Variants in WWOX observed in about 807,000 individuals in gnomAD.
WWOX encodes the protein WW domain-containing oxidoreductase.
In WWOX, 69 loss-of-function variants were observed where a neutral mutation model predicts 46.2. That is an observed-to-expected ratio of 1.49 (90% CI 1.23 to 1.82). The LOEUF is 1.82. Ranked by LOEUF, WWOX falls within the 40% of genes most tolerant of loss-of-function variation. WWOX has a pLI of 0.00. For missense variants in WWOX, 919 were observed against 542.6 expected, an observed-to-expected ratio of 1.69 and a Z score of -6.89; for synonymous variants, 359 against 202.6, an observed-to-expected ratio of 1.77 and a Z score of -6.56.
At chr16:78,858,166 G>GTGTT (rs2052612481) in intron 8 of WWOX, among the ~76,000 whole-genome samples, 1 of 151,360 alleles carries the variant, frequency 6.6e-6, no homozygotes, top group Non-Finnish European at 1.5e-5. Flanking sequence ...GTGTGTGTGT[G>GTGTT]TGTGTATAAA....
chr16:78,995,636 A>G (rs1294065385), intron 8 of WWOX, among the ~76,000 whole-genome samples: 1 of 152,184 alleles, frequency 6.6e-6, no homozygotes, highest in Non-Finnish European at 1.5e-5. Context: ...GCTTGTTCTT[A>G]TGTGGTTGAT....
At chr16:78,935,480 T>G (rs572558385) in intron 8 of WWOX, among the ~76,000 whole-genome samples, 48 of 151,854 alleles carry the variant, frequency 3.2e-4, no homozygotes, top group African/African-American at 1.0e-3. Flanking sequence ...CTGGAAACCA[T>G]CATTCTCAGC....
intron 5 of WWOX, among the ~76,000 whole-genome samples, chr16:78,256,932 C>T (rs892807027): frequency 2.6e-5 from 4 of 152,186 alleles, no homozygotes; most frequent in African/African-American, 9.6e-5. Context: ...TAATCTCCTG[C>T]ACTGTGAGTC....
intron 6 of WWOX, among the ~76,000 whole-genome samples, chr16:78,399,521 C>T (rs948791528): frequency 2.6e-5 from 4 of 152,138 alleles, no homozygotes; most frequent in African/African-American, 9.7e-5. Context: ...TTGGGTTGAA[C>T]AGGGAGCGAC....
At chr16:79,000,537 G>C (rs544790019) in intron 8 of WWOX, among the ~76,000 whole-genome samples, 19 of 152,264 alleles carry the variant, frequency 1.2e-4, no homozygotes, top group African/African-American at 4.3e-4. Context: ...GATGTTACCA[G>C]CTTTAAAGAG....
chr16:78,176,849 G>T (rs550653392), intron 5 of WWOX, among the ~76,000 whole-genome samples: 110 of 152,254 alleles, frequency 7.2e-4, no homozygotes, highest in Middle Eastern at 3.4e-3. Context: ...TATTTTTAAG[G>T]CAGGGAAGGA....
chr16:78,677,130 A>C (rs1328811072), intron 8 of WWOX, among the ~76,000 whole-genome samples: 1 of 152,012 alleles, frequency 6.6e-6, no homozygotes. Context: ...TCTACACATA[A>C]GGACACAGTG....
intron 8 of WWOX, among the ~76,000 whole-genome samples, chr16:79,172,538 A>C (rs760464934): frequency 6.6e-6 from 1 of 152,136 alleles, no homozygotes; most frequent in African/African-American, 2.4e-5. Context: ...GAGTGGCTGC[A>C]TGAATTGCAT....
chr16:79,026,396 C>T lies in WWOX; in HGVS notation c.1057-185212C>T, dbSNP rs115474165. ...CATCTTCTGAGATACCTTCCAGACT[C>T]CCCTGGCCACGGTCACTTCCTTTGC... On this transcript the variant is annotated intron_variant, in intron 8 of 8. Transcript: ENST00000566780. Among the ~76,000 whole-genome samples, 108 of 151,754 alleles carry T rather than the reference C, an allele frequency of 7.1e-4. 4 individuals carry two copies. Among genetic ancestry groups the T allele is most frequent in the African/African-American group, 2.4e-3 (99 of 41,088 alleles).
intron 8 of WWOX, among the ~76,000 whole-genome samples, chr16:78,866,480 T>G (rs2044006375): frequency 6.6e-6 from 1 of 152,178 alleles, no homozygotes; most frequent in Non-Finnish European, 1.5e-5. Flanking sequence ...TACCTCTTGT[T>G]CCTCTGTCCT....
intron 8 of WWOX, among the ~76,000 whole-genome samples, chr16:78,888,637 A>G (rs1178208351): frequency 6.6e-6 from 1 of 152,058 alleles, no homozygotes; most frequent in Non-Finnish European, 1.5e-5. Context: ...CCGAGCCAGA[A>G]CTTATTTTTA....
intron 8 of WWOX, among the ~76,000 whole-genome samples, chr16:79,108,892 C>T (rs956489284): frequency 6.6e-6 from 1 of 151,754 alleles, no homozygotes; most frequent in African/African-American, 2.4e-5. Context: ...CAGAGCAAGA[C>T]CTTGTCTCAA....
At chr16:78,673,891 T>A (rs894679526) in intron 8 of WWOX, among the ~76,000 whole-genome samples, 4 of 152,172 alleles carry the variant, frequency 2.6e-5, no homozygotes, top group African/African-American at 9.7e-5. Flanking sequence ...TTTTAGAGAC[T>A]ACAGGGAAAT....
rs148496202 is a variant in WWOX at position 79,075,660 on chromosome 16, C to G, written c.1057-135948C>G. Among the ~76,000 whole-genome samples the G allele has an allele frequency of 2.1e-3, 323 of 151,984 alleles. 2 individuals are homozygous for G. The highest frequency in any genetic ancestry group is 7.4e-3 in the African/African-American group (306 of 41,452). On this transcript the variant is annotated intron_variant, in intron 8 of 8. Coordinates refer to ENST00000566780, the MANE Select transcript of WWOX (RefSeq NM_016373.4). ...CTCCGCCTTCTGGGATCAAGTGATT[C>G]TCCTGCCTTAGCCTCCTGAGTAGCT...
chr16:78,735,931 C>T (rs894260121), intron 8 of WWOX, among the ~76,000 whole-genome samples: 2 of 151,956 alleles, frequency 1.3e-5, no homozygotes, highest in Non-Finnish European at 2.9e-5. Flanking sequence ...CTCTCACCTC[C>T]GAATAGGTGG....
intron 8 of WWOX, among the ~76,000 whole-genome samples, chr16:78,713,364 T>A (rs1193915986): frequency 6.6e-6 from 1 of 150,962 alleles, no homozygotes; most frequent in Non-Finnish European, 1.5e-5. Flanking sequence ...GACAACTAGT[T>A]CATGGTAACA....
At chr16:78,387,538 C>T (rs1384584786) in intron 6 of WWOX, among the ~76,000 whole-genome samples, 1 of 151,998 alleles carries the variant, frequency 6.6e-6, no homozygotes, top group African/African-American at 2.4e-5. Flanking sequence ...CATATGCTAG[C>T]ATCCCTTTCT....
At chr16:79,143,309 A>T (rs146154069) in intron 8 of WWOX, among the ~76,000 whole-genome samples, 1 of 151,552 alleles carries the variant, frequency 6.6e-6, no homozygotes, top group Non-Finnish European at 1.5e-5. Context: ...AAAAACTGTT[A>T]CCGCCTAACA....
intron 8 of WWOX, among the ~76,000 whole-genome samples, chr16:78,831,388 A>G (rs948694706): frequency 1.3e-5 from 2 of 152,246 alleles, no homozygotes; most frequent in African/African-American, 4.8e-5. Context: ...CACTCAAAAT[A>G]TCTGTGTTCA....
Sources: gnomAD v4.1 joint callset for allele counts (sites outside exome capture counted in the v4.1 genomes callset) on GRCh38, gnomAD v4.1.1 for gene constraint, MANE v1.5 for transcripts, NCBI Gene and HGNC (gene_info 2026-07-23, HGNC 2026-07-21) for gene names.